Variants in USP34 observed in about 807,000 individuals in gnomAD.
USP34 encodes ubiquitin specific peptidase 34.
Under a neutral mutation model 460.3 loss-of-function variants are expected in USP34, and 70 were observed. That is an observed-to-expected ratio of 0.15 (90% CI 0.13 to 0.19). USP34 has a LOEUF of 0.19. Among genes scored for constraint, USP34 ranks in the 10% least tolerant of loss-of-function variants. USP34 has a pLI of 1.00. For synonymous variants in USP34, 1,647 were observed against 1,405.3 expected (o/e 1.17, Z -3.85); for missense variants, 3,985 against 4,236.2 (o/e 0.94, Z 1.65).
Position 61,296,939 on chromosome 2 carries a change from A to G in USP34, c.4129-14T>C. The G allele has an allele frequency of 6.2e-7, 1 of 1,602,482 alleles. No individual in the cohort carries two copies. The highest frequency in any genetic ancestry group is 8.5e-7 in the Non-Finnish European group (1 of 1,176,850). ...ACATCGTAAGCTCTACACAAATAAG[A>G]ACAACTACTTTATCAAAACAGATCA... On this transcript the variant is annotated splice_polypyrimidine_tract_variant and intron_variant, in intron 29 of 79. Transcript: ENST00000398571.
At chr2:61,315,093 AAAAAT>A (rs1690702193) in intron 23 of USP34, 119 bp from the exon 24 acceptor site, 7 of 666,068 alleles carry the variant, frequency 1.1e-5, no homozygotes, top group African/African-American at 9.2e-5. Flanking sequence ...ATTAAATAAT[AAAAAT>A]AAATGATTTA....
intron 7 of USP34, among the ~76,000 whole-genome samples, chr2:61,379,265 T>C (rs1692900770): frequency 6.6e-6 from 1 of 152,158 alleles, no homozygotes; most frequent in African/African-American, 2.4e-5. Context: ...ACGCCTGTAA[T>C]CCCAACACTT....
chr2:61,260,364 G>C (rs1336137629), intron 43 of USP34, among the ~76,000 whole-genome samples: 1 of 152,076 alleles, frequency 6.6e-6, no homozygotes, highest in African/African-American at 2.4e-5. Context: ...TTCATGCAAG[G>C]TACTTATTAC....
chr2:61,459,358 A>G (rs1007601894), intron 1 of USP34, among the ~76,000 whole-genome samples: 2 of 152,190 alleles, frequency 1.3e-5, no homozygotes, highest in African/African-American at 4.8e-5. Context: ...ACACTGTATA[A>G]GAAATTTCAG....
intron 3 of USP34, among the ~76,000 whole-genome samples, chr2:61,405,294 T>C (rs989214212): frequency 6.6e-6 from 1 of 151,606 alleles, no homozygotes; most frequent in Non-Finnish European, 1.5e-5. Context: ...TACTATTATT[T>C]GAAACTACTA....
In USP34 at chr2:61,294,618, A is replaced by AC. The variant is rs1383948951; in HGVS notation, c.4461+330dup. Among the ~76,000 whole-genome samples, 2 of 151,902 alleles carry AC rather than the reference A, an allele frequency of 1.3e-5. 1 individual carries two copies. The highest frequency in any genetic ancestry group is 4.8e-5 in the African/African-American group (2 of 41,368). Reference sequence around the variant, plus strand: ...CATTTTTAGTAGAGACACGGGTTTTACCATGTTGGCCAGGCTGATCTCAAA... The same window carrying AC: ...CATTTTTAGTAGAGACACGGGTTTTACCCATGTTGGCCAGGCTGATCTCAAA... On this transcript the variant is annotated intron_variant, in intron 32 of 79. Transcript: ENST00000398571.
intron 2 of USP34, among the ~76,000 whole-genome samples, chr2:61,419,037 C>G (rs1315429143): frequency 6.6e-6 from 1 of 152,190 alleles, no homozygotes; most frequent in Non-Finnish European, 1.5e-5. Context: ...TGTTTTCTTA[C>G]AATCTCATTA....
At chr2:61,220,557 T>C (rs1687531503) in intron 66 of USP34, 100 bp from the exon 67 acceptor site, 3 of 1,136,810 alleles carry the variant, frequency 2.6e-6, no homozygotes, top group East Asian at 2.8e-5. Context: ...GCTAAAGTAC[T>C]TTTTTGACAA....
intron 57 of USP34, among the ~76,000 whole-genome samples, chr2:61,234,239 T>C (rs1266832397): frequency 1.3e-5 from 2 of 152,260 alleles, no homozygotes; most frequent in East Asian, 3.8e-4. Flanking sequence ...CTTCTAAATA[T>C]GCAAAAAACC....
At chr2:61,259,256 C>G (rs547229733) in intron 44 of USP34, among the ~76,000 whole-genome samples, 1 of 151,760 alleles carries the variant, frequency 6.6e-6, no homozygotes, top group Non-Finnish European at 1.5e-5. Flanking sequence ...AAGACTCTGT[C>G]TCAAAATAAA....
chr2:61,320,502 T>G (rs1690883581), intron 21 of USP34, among the ~76,000 whole-genome samples: 1 of 152,166 alleles, frequency 6.6e-6, no homozygotes, highest in Non-Finnish European at 1.5e-5. Flanking sequence ...GAATCAGTTT[T>G]TTTCCTCATT....
At chr2:61,207,111 T>C in intron 70 of USP34, 1 of 389,404 alleles carries the variant, frequency 2.6e-6, no homozygotes, top group Admixed American at 4.4e-5. Flanking sequence ...TATATTCTAG[T>C]CTGAAGAAAT....
At chr2:61,248,242 C>T (rs1331776340) in intron 49 of USP34, among the ~76,000 whole-genome samples, 3 of 149,966 alleles carry the variant, frequency 2.0e-5, no homozygotes, top group African/African-American at 4.9e-5. Context: ...ACTTACCCCA[C>T]GAGATTTAAG....
At chr2:61,265,291 T>G (rs1395533689) in intron 43 of USP34, 106 bp downstream of exon 43, 4 of 1,292,268 alleles carry the variant, frequency 3.1e-6, no homozygotes, top group Non-Finnish European at 3.2e-6. Flanking sequence ...TTACTTTTAT[T>G]CACAAATTAT....
In USP34 at chr2:61,226,728, A is replaced by G. The variant is rs550005065; in HGVS notation, c.7595+339T>C. ...CAGATTTGCATATACATCTTTCTGT[A>G]TTTTGGACACAGATTCCTAGAAATG... is the stretch of plus-strand genomic sequence containing the variant. On this transcript the variant is annotated intron_variant, in intron 62 of 79. Transcript: ENST00000398571. 10 of 184,922 alleles carry G rather than the reference A, an allele frequency of 5.4e-5. No individual in the cohort carries two copies. In the East Asian group the frequency reaches 1.5e-3, roughly 28 times the overall value. 11.5% of individuals were successfully genotyped at this position (184,922 alleles called of 1,614,324 possible).
rs950909242 is a variant in USP34, at chr2:61,217,282, C to CA, written c.8048-2589dup. ...GAGTCCTGGATCTAGTTGTATGCTA[C>CA]AAAAAACATTAAGTCTACTTCCATG... On this transcript the variant is annotated intron_variant, in intron 67 of 79. Coordinates refer to ENST00000398571, the MANE Select transcript of USP34 (RefSeq NM_014709.4). 1.6e-4 allele frequency among the ~76,000 whole-genome samples: 25 copies of CA among 152,242 alleles called. 1 individual carries two copies. Among genetic ancestry groups the CA allele is most frequent in the South Asian group, 6.2e-4 (3 of 4,826 alleles).
At chr2:61,335,884 T>C (rs897042468) in intron 18 of USP34, among the ~76,000 whole-genome samples, 1 of 152,202 alleles carries the variant, frequency 6.6e-6, no homozygotes, top group Non-Finnish European at 1.5e-5. Context: ...CTTATGACTA[T>C]GCAACAGTGT....
intron 27 of USP34, among the ~76,000 whole-genome samples, chr2:61,310,611 A>C (rs961373846): frequency 2.0e-5 from 3 of 150,634 alleles, no homozygotes; most frequent in African/African-American, 7.3e-5. Context: ...GAGATAAGAA[A>C]CATATATATT....
chr2:61,229,997 C>A (rs944649690), intron 58 of USP34, among the ~76,000 whole-genome samples: 6 of 151,872 alleles, frequency 4.0e-5, no homozygotes, highest in Non-Finnish European at 7.4e-5. Context: ...ATCATGGGGT[C>A]AGCAGCTAGG....
Sources: gnomAD v4.1 joint callset for allele counts (sites outside exome capture counted in the v4.1 genomes callset) on GRCh38, gnomAD v4.1.1 for gene constraint, MANE v1.5 for transcripts, NCBI Gene and HGNC (gene_info 2026-07-23, HGNC 2026-07-21) for gene names.